GOLM1: variants seen among roughly 807,000 people sequenced by gnomAD.
The protein encoded by GOLM1 is epididymis luminal protein 46.
GOLM1 carries 31 observed loss-of-function variants against 50.5 expected under a neutral mutation model. That is an observed-to-expected ratio of 0.61 (90% confidence interval 0.46 to 0.83). The LOEUF is 0.83. GOLM1 is among the 40% of genes least tolerant of loss of function. The pLI is 0.00. For synonymous variants in GOLM1, 178 were observed against 192.8 expected (o/e 0.92, Z 0.64); for missense variants, 491 against 501.3 (o/e 0.98, Z 0.20).
At position 86,027,786 on chromosome 9, in the gene GOLM1, CCT is replaced by C; in HGVS notation, c.*29_*30del. The C allele has an allele frequency of 6.2e-7, 1 of 1,607,258 alleles. No homozygotes were observed. The highest frequency in any genetic ancestry group is 8.5e-7 in the Non-Finnish European group (1 of 1,176,602). Reference sequence around the variant, plus strand: ...AACATTTTATAGTCATCTCTTCGGCCCTGTTGTGAAATATGTGATTCCAGTTC... The same window carrying C: ...AACATTTTATAGTCATCTCTTCGGCCGTTGTGAAATATGTGATTCCAGTTC... On this transcript the variant is annotated 3_prime_UTR_variant, in exon 10 of 10. Coordinates refer to ENST00000388712, the MANE Select transcript of GOLM1 (RefSeq NM_016548.4).
chr9:86,053,523 AC>A (rs1833854383), intron 3 of GOLM1, among the ~76,000 whole-genome samples: 1 of 84,342 alleles, frequency 1.2e-5, no homozygotes, highest in Non-Finnish European at 3.0e-5. Context: ...CACACAACAC[AC>A]CACTCCACAC....
intron 1 of GOLM1, among the ~76,000 whole-genome samples, chr9:86,098,781 C>A (rs886220463): frequency 6.6e-6 from 1 of 152,074 alleles, no homozygotes; most frequent in Non-Finnish European, 1.5e-5. Flanking sequence ...AAGGTGGAAA[C>A]ACAGGTATGC....
intron 3 of GOLM1, among the ~76,000 whole-genome samples, chr9:86,073,111 G>A (rs1430429789): frequency 6.6e-6 from 1 of 151,880 alleles, no homozygotes; most frequent in African/African-American, 2.4e-5. Context: ...CTGAAAAAAA[G>A]ATAACCTTGA....
At chr9:86,082,253 C>T (rs1834806871) in intron 1 of GOLM1, among the ~76,000 whole-genome samples, 1 of 151,054 alleles carries the variant, frequency 6.6e-6, no homozygotes, top group African/African-American at 2.4e-5. Flanking sequence ...GTCTTGATCT[C>T]CTGACCTTGT....
chr9:86,081,673 T>C (rs1834788753), intron 1 of GOLM1, among the ~76,000 whole-genome samples: 1 of 151,916 alleles, frequency 6.6e-6, no homozygotes, highest in Non-Finnish European at 1.5e-5. Context: ...GTAGATGGCC[T>C]GAAGTCAGGA....
Position 86,036,340 on chromosome 9 carries a change from C to T in GOLM1, c.757+8G>A, listed in dbSNP as rs1833144605. 2 of 1,614,204 alleles carry T rather than the reference C, an allele frequency of 1.2e-6. No individual in the cohort carries two copies. The highest frequency in any genetic ancestry group is 1.3e-5 in the African/African-American group (1 of 75,076). ...CTGGGAACAGGGCAACTGCTGGGCT[C>T]TGCTTACCTTTCTCAACTTGTCTCT... On this transcript the variant is annotated splice_region_variant and intron_variant, in intron 7 of 9. Transcript: ENST00000388712.
chr9:86,037,715 GAGAC>G lies in GOLM1; in HGVS notation c.598-1212_598-1209del, dbSNP rs552999010. On this transcript the variant is annotated intron_variant, in intron 6 of 9. Coordinates refer to ENST00000388712, the MANE Select transcript of GOLM1 (RefSeq NM_016548.4). ...GTGTAAATCACTGTCCTTAAGCCTG[GAGAC>G]AGACAGCCCAATACAGAGAGTCCCG... Among the ~76,000 whole-genome samples, 595 of 152,266 alleles carry G rather than the reference GAGAC, an allele frequency of 3.9e-3. 5 individuals are homozygous for G. The highest frequency in any genetic ancestry group is 0.014 in the African/African-American group (563 of 41,540).
intron 1 of GOLM1, among the ~76,000 whole-genome samples, chr9:86,090,056 T>C (rs910790713): frequency 6.6e-6 from 1 of 152,210 alleles, no homozygotes; most frequent in Non-Finnish European, 1.5e-5. Flanking sequence ...AGACACTGCC[T>C]GGGTATCACC....
chr9:86,091,693 A>G (rs550969616), intron 1 of GOLM1, among the ~76,000 whole-genome samples: 1 of 152,304 alleles, frequency 6.6e-6, no homozygotes, highest in East Asian at 1.9e-4. Flanking sequence ...GAGTAGGCAC[A>G]TGCTGCCGCA....
At chr9:86,069,163 G>A (rs1834384352) in intron 3 of GOLM1, among the ~76,000 whole-genome samples, 1 of 151,812 alleles carries the variant, frequency 6.6e-6, no homozygotes, top group African/African-American at 2.4e-5. Context: ...AAAGGGAGTG[G>A]AGAGTTCTCA....
intron 6 of GOLM1, among the ~76,000 whole-genome samples, chr9:86,040,087 G>A (rs565054380): frequency 4.6e-5 from 7 of 152,178 alleles, no homozygotes; most frequent in Non-Finnish European, 1.0e-4. Context: ...GCTGTCTAGG[G>A]CTGTGGGGAC....
intron 9 of GOLM1, among the ~76,000 whole-genome samples, chr9:86,028,830 G>C (rs921085693): frequency 7.9e-5 from 12 of 151,604 alleles, no homozygotes; most frequent in Admixed American, 3.9e-4. Context: ...CCCTGTGAAG[G>C]GGATAAGGGA....
rs549083526 is a variant in GOLM1 at position 86,053,911 on chromosome 9, C to G, written c.310-1320G>C. On this transcript the variant is annotated intron_variant, in intron 3 of 9. Transcript: ENST00000388712. Reference sequence around the variant, plus strand: ...TGCACCACTCCACTCCACACCAGCCCAGGTCTCCCTGCCTCAGAGCTCAAA... The same window carrying G: ...TGCACCACTCCACTCCACACCAGCCGAGGTCTCCCTGCCTCAGAGCTCAAA... Among the ~76,000 whole-genome samples, 125 of 151,866 alleles carry G rather than the reference C, an allele frequency of 8.2e-4. 1 individual carries two copies. The South Asian group carries it at 0.021, about 26-fold the overall frequency.
chr9:86,046,502 C>A lies in GOLM1; in HGVS notation c.435G>T (p.Gln145His). 1 of 1,613,210 alleles carries A rather than the reference C, an allele frequency of 6.2e-7. No homozygotes were observed. Among genetic ancestry groups the A allele is most frequent in the East Asian group, 2.2e-5 (1 of 44,880 alleles). ...QQDVLQFQKN[Q>H]TNLERKFSYD... The stretch of plus-strand genomic sequence containing the variant: ...AGGAGAACTTCCTCTCCAGGTTGGT[C>A]TGGTTCTTCTGAAACTGGAGGACAT... Residue 145 changes from glutamine (Q) to histidine (H), a missense_variant, in exon 5 of 10, where the codon CAG becomes CAT. Coordinates refer to ENST00000388712, the MANE Select transcript of GOLM1 (RefSeq NM_016548.4).
At position 86,026,372 on chromosome 9, in the gene GOLM1, A is replaced by G; in HGVS notation, c.*1445T>C. 1 of 985,338 alleles carries G rather than the reference A, an allele frequency of 1.0e-6. No individual in the cohort carries two copies. Among genetic ancestry groups the G allele is most frequent in the Non-Finnish European group, 1.2e-6 (1 of 829,888 alleles). 61.0% of individuals were successfully genotyped at this position (985,338 alleles called of 1,614,324 possible). A position where few individuals can be genotyped will look rare whatever the true frequency, so the allele number is the denominator to read the frequency against. On this transcript the variant is annotated 3_prime_UTR_variant, in exon 10 of 10. Transcript: ENST00000388712. ...TAACCTTAGTGACTAAGGACATCAC[A>G]TATGAAGAATGTTTAAGTTGGAGGT... is the stretch of plus-strand genomic sequence containing the variant.
At chr9:86,060,495 C>T (rs1440109202) in intron 3 of GOLM1, among the ~76,000 whole-genome samples, 1 of 152,108 alleles carries the variant, frequency 6.6e-6, no homozygotes, top group Non-Finnish European at 1.5e-5. Flanking sequence ...GATGCATGTT[C>T]CCATAGGGAC....
intron 1 of GOLM1, among the ~76,000 whole-genome samples, chr9:86,095,167 G>T (rs994049856): frequency 6.6e-6 from 1 of 151,832 alleles, no homozygotes; most frequent in African/African-American, 2.4e-5. Flanking sequence ...GCCGCCCAAG[G>T]GCCCAATCCT....
chr9:86,027,869 C>T lies in GOLM1; in HGVS notation c.1154G>A (p.Arg385Lys). Residue 385 changes from arginine (R) to lysine (K), a missense_variant, in exon 10 of 10, where the codon AGA becomes AAA. By Grantham distance (26) the Arg-to-Lys change is conservative (BLOSUM62 2). Transcript: ENST00000388712. The part of the protein sequence containing the change: ...IDVFNVEDQK[R>K]DTINLLDQRE... ...CTGATCAAGTAAATTTATGGTGTCT[C>T]TTTTCTGATCTTCAACATTAAAAAC... is the stretch of plus-strand genomic sequence containing the variant. The T allele has an allele frequency of 2.5e-6, 4 of 1,605,294 alleles. No homozygotes were observed. Among genetic ancestry groups the T allele is most frequent in the Non-Finnish European group, 3.4e-6 (4 of 1,172,258 alleles).
Position 86,036,377 on chromosome 9 carries a change from A to G in GOLM1, c.728T>C (p.Val243Ala), listed in dbSNP as rs1272369087. ...SQTPAPSSEVVLDSKRQVEKE... is the reference protein window; with the variant it reads ...SQTPAPSSEVALDSKRQVEKE... ...CTCAACTTGTCTCTTTGAATCCAAAACCACTTCGGAACTGGGGGCTGGTGT... is the reference window on the plus strand; with the variant it reads ...CTCAACTTGTCTCTTTGAATCCAAAGCCACTTCGGAACTGGGGGCTGGTGT... Residue 243 changes from valine to alanine, a missense_variant, in exon 7 of 10, where the codon GTT (valine) becomes GCT (alanine). Val to Ala is a moderately conservative substitution (Grantham distance 64). Transcript: ENST00000388712. 1.2e-6 allele frequency: 2 copies of G among 1,614,094 alleles called. No individual in the cohort carries two copies. Among genetic ancestry groups the G allele is most frequent in the East Asian group, 4.5e-5 (2 of 44,874 alleles).
Sources: gnomAD v4.1 joint callset for allele counts (sites outside exome capture counted in the v4.1 genomes callset) on GRCh38, gnomAD v4.1.1 for gene constraint, MANE v1.5 for transcripts, NCBI Gene and HGNC (gene_info 2026-07-23, HGNC 2026-07-21) for gene names.